The following LRRN4 variants were observed in gnomAD, a reference collection of about 807,000 sequenced individuals.
LRRN4 encodes leucine rich repeat neuronal 4.
A neutral mutation model predicts 22.3 loss-of-function variants in LRRN4; 26 were observed. That is an observed-to-expected ratio of 1.16 (90% CI 0.85 to 1.62). LRRN4 has a LOEUF of 1.62. Among genes scored for constraint, LRRN4 ranks in the 40% most tolerant of loss-of-function variants. The pLI is 0.00. For missense variants in LRRN4, 1,070 were observed against 1,008.5 expected (o/e 1.06, Z -0.83); for synonymous variants, 496 against 486.2 (o/e 1.02, Z -0.26).
chr20:6,041,572 G>A lies in LRRN4; in HGVS notation c.1673C>T (p.Pro558Leu). The change falls in exon 5 of 5, where the codon CCG (proline) becomes CTG (leucine). Residue 558 changes from proline to leucine, a missense_variant. Physicochemically the swap from Pro to Leu is moderately conservative, Grantham distance 98. Transcript: ENST00000378858. The surrounding 1 kb of genome is among the most constrained non-coding windows in gnomAD (Gnocchi z 9.4). ...CCACCGCCTCTGCAGCTCCGCGCAC[G>A]GGGTCTGCAGGTGCTTGCAGGGATG... ...DYHPCKHLQTPCAELQRRWRC... is the reference protein window; with the variant it reads ...DYHPCKHLQTLCAELQRRWRC... 2 of 1,557,280 alleles carry A rather than the reference G, an allele frequency of 1.3e-6. No homozygotes were observed. Among genetic ancestry groups the A allele is most frequent in the Non-Finnish European group, 1.7e-6 (2 of 1,149,684 alleles).
Position 6,051,863 on chromosome 20 carries a change from A to C in LRRN4, c.655+282T>G, listed in dbSNP as rs554485665. Among the ~76,000 whole-genome samples the C allele has an allele frequency of 2.1e-3, 315 of 152,334 alleles. 2 individuals carry two copies. Among genetic ancestry groups the C allele is most frequent in the African/African-American group, 7.4e-3 (308 of 41,576 alleles). On this transcript the variant is annotated intron_variant, in intron 2 of 4. Coordinates refer to ENST00000378858, the MANE Select transcript of LRRN4 (RefSeq NM_152611.5). ...AGAATGCCTGGGTTCAGATTTGCTTAATGTGTGACCAAGTTTCGCCTTTCT... is the reference window on the plus strand; with the variant it reads ...AGAATGCCTGGGTTCAGATTTGCTTCATGTGTGACCAAGTTTCGCCTTTCT...
At chr20:6,053,532 G>C (rs534449264) in intron 1 of LRRN4, among the ~76,000 whole-genome samples, 1 of 152,242 alleles carries the variant, frequency 6.6e-6, no homozygotes, top group Admixed American at 6.5e-5. Context: ...GGACTACCTA[G>C]GGTTGCACAG....
rs765228395 is a variant in LRRN4, at chr20:6,041,064, C to T, written c.2181G>A (p.Pro727=). 6.8e-6 allele frequency: 11 copies of T among 1,614,012 alleles called. No homozygotes were observed. In the South Asian group the frequency reaches 7.7e-5, roughly 11 times the overall value. ...CDTHLVAYKN[P]AFDDYPLGLQ... ...GCCCCAGCGGGTAATCATCAAAGGC[C>T]GGGTTTTTGTAGGCCACCAGGTGCG... Residue 727 remains proline, a synonymous_variant, in exon 5 of 5, where the codon CCG becomes CCA. Coordinates refer to ENST00000378858, the MANE Select transcript of LRRN4 (RefSeq NM_152611.5). This position sits in a 1 kb window ranked among gnomAD's most constrained non-coding sequence, Gnocchi z 9.4.
intron 2 of LRRN4, 117 bp from the exon 3 acceptor site, chr20:6,051,100 C>G: frequency 1.2e-6 from 1 of 846,768 alleles, no homozygotes; most frequent in Admixed American, 2.2e-5. Context: ...TCGCTGAGCA[C>G]GGGCACAGTT....
Position 6,042,026 on chromosome 20 carries a change from A to G in LRRN4, c.1219T>C (p.Ser407Pro), listed in dbSNP as rs746005798. The stretch of plus-strand genomic sequence containing the variant: ...CGAGAGCCCACGTTAGGGGCCTTGG[A>G]GACACTCTGCTGGTCTCCCGCAGGC... ...TRPAGDQQSV[S>P]KAPNVGSRTI... is the part of the protein sequence containing the mutation. The change falls in exon 5 of 5, where the codon TCC becomes CCC. Residue 407 changes from serine (S) to proline (P), a missense_variant. By Grantham distance (74) the Ser-to-Pro change is moderately conservative. Transcript: ENST00000378858. 1.2e-6 allele frequency: 2 copies of G among 1,613,820 alleles called. No homozygotes were observed. The highest frequency in any genetic ancestry group is 1.7e-6 in the Non-Finnish European group (2 of 1,179,934).
chr20:6,052,567 C>A lies in LRRN4; in HGVS notation c.233G>T (p.Arg78Leu). ...CAGGTTGTGGCTGGCGTCGAGGCTG[C>A]GCAGTGTGCGCGGTAGGCAGCCGGG... The part of the protein sequence containing the change: ...RLPGCLPRTL[R>L]SLDASHNLLR... Residue 78 changes from arginine to leucine, a missense_variant, in exon 2 of 5, where the codon CGC becomes CTC. Transcript: ENST00000378858. 2 of 1,579,590 alleles carry A rather than the reference C, an allele frequency of 1.3e-6. No homozygotes were observed. The highest frequency in any genetic ancestry group is 8.5e-7 in the Non-Finnish European group (1 of 1,171,640).
rs775845105 is a variant in LRRN4, at chr20:6,041,956, G to T, written c.1289C>A (p.Ala430Asp). 1.9e-6 allele frequency: 3 copies of T among 1,614,084 alleles called. No homozygotes were observed. Among genetic ancestry groups the T allele is most frequent in the South Asian group, 2.2e-5 (2 of 91,082 alleles). The change falls in exon 5 of 5, where the codon GCC (alanine) becomes GAC (aspartate). Residue 430 changes from alanine (A) to aspartate (D), a missense_variant. Physicochemically the swap from Ala to Asp is moderately radical, Grantham distance 126 (BLOSUM62 -2). Transcript: ENST00000378858. The surrounding 1 kb of genome is among the most constrained non-coding windows in gnomAD (Gnocchi z 9.4). ...WPHSDAREGT[A>D]PSTTNSVAGH... ...TGCTACAGAGTTGGTCGTGGAGGGG[G>T]CAGTCCCCTCCCGTGCATCGCTGTG...
intron 3 of LRRN4, among the ~76,000 whole-genome samples, chr20:6,047,578 A>T (rs1981135366): frequency 6.6e-6 from 1 of 151,614 alleles, no homozygotes; most frequent in East Asian, 1.9e-4. Flanking sequence ...CGAGGTTAGG[A>T]GATAGAGACC....
chr20:6,047,509 G>A (rs1981133686), intron 3 of LRRN4, among the ~76,000 whole-genome samples: 1 of 151,320 alleles, frequency 6.6e-6, no homozygotes, highest in African/African-American at 2.4e-5. Flanking sequence ...GACCATGGCT[G>A]GGAGCGGTGG....
In LRRN4 at chr20:6,040,789, G is replaced by A; in HGVS notation, c.*233C>T. The A allele has an allele frequency of 1.7e-6, 1 of 592,582 alleles. No individual in the cohort carries two copies. The highest frequency in any genetic ancestry group is 2.1e-5 in the South Asian group (1 of 47,690). 36.7% of individuals were successfully genotyped at this position (592,582 alleles called of 1,614,324 possible). On this transcript the variant is annotated 3_prime_UTR_variant, in exon 5 of 5. Coordinates refer to ENST00000378858, the MANE Select transcript of LRRN4 (RefSeq NM_152611.5). ...CAAGAAGGCCTGGCGGCAGTGGGGA[G>A]CGATCTGGCATTGACCATCAGGTTT...
rs1191622617 is a variant in LRRN4, at chr20:6,045,187, C to G, written c.861-507G>C. The stretch of plus-strand genomic sequence containing the variant: ...GGCACGGTGGCTCATACCTGTAATC[C>G]CAGCACTTTGGGAGGCCAAGGCAGG... On this transcript the variant is annotated intron_variant, in intron 3 of 4. Transcript: ENST00000378858. 7.4e-5 allele frequency among the ~76,000 whole-genome samples: 11 copies of G among 148,408 alleles called. 2 individuals are homozygous for G. Among genetic ancestry groups the G allele is most frequent in the Non-Finnish European group, 1.2e-4 (8 of 66,404 alleles).
Position 6,052,591 on chromosome 20 carries a change from G to A in LRRN4, c.209C>T (p.Pro70Leu). The A allele has an allele frequency of 2.5e-6, 4 of 1,585,074 alleles. No individual in the cohort carries two copies. Among genetic ancestry groups the A allele is most frequent in the Non-Finnish European group, 2.6e-6 (3 of 1,173,664 alleles). ...TLANRNLERLPGCLPRTLRSL... is the reference protein window; with the variant it reads ...TLANRNLERLLGCLPRTLRSL... The stretch of plus-strand genomic sequence containing the variant: ...GCGCAGTGTGCGCGGTAGGCAGCCG[G>A]GCAGGCGCTCCAGGTTGCGGTTCGC... The change falls in exon 2 of 5, where the codon CCC becomes CTC. Residue 70 changes from proline (P) to leucine (L), a missense_variant. Coordinates refer to ENST00000378858, the MANE Select transcript of LRRN4 (RefSeq NM_152611.5).
At chr20:6,053,097 G>A (rs1036994292) in intron 1 of LRRN4, among the ~76,000 whole-genome samples, 2 of 152,062 alleles carry the variant, frequency 1.3e-5, no homozygotes, top group African/African-American at 4.8e-5. Context: ...TGTCCAATCT[G>A]GGCCTGAATC....
At chr20:6,049,152 C>A (rs1981182553) in intron 3 of LRRN4, among the ~76,000 whole-genome samples, 1 of 152,160 alleles carries the variant, frequency 6.6e-6, no homozygotes, top group African/African-American at 2.4e-5. Flanking sequence ...GCCTGGATGG[C>A]CTTTCTCTTC....
Position 6,052,482 on chromosome 20 carries a change from C to CTG in LRRN4, c.317_318insCA (p.Arg107SerfsTer40), listed in dbSNP as rs1568643488. ...GCAGCGCGGCGATGCGGTTGTGGCGCAGGGTCAGCACCTGCAGCTGCTCCA... is the reference window on the plus strand; with the variant it reads ...GCAGCGCGGCGATGCGGTTGTGGCGCTGAGGGTCAGCACCTGCAGCTGCTCCA... On this transcript the variant is annotated frameshift_variant, in exon 2 of 5. Transcript: ENST00000378858. LOFTEE classifies it high-confidence loss of function. 6.4e-7 allele frequency: 1 copy of CTG among 1,572,328 alleles called. No homozygotes were observed.
In LRRN4 at chr20:6,041,378, G is replaced by C. The variant is rs1427771784; in HGVS notation, c.1867C>G (p.Gln623Glu). The C allele has an allele frequency of 6.3e-7, 1 of 1,586,378 alleles. No homozygotes were observed. The highest frequency in any genetic ancestry group is 1.1e-5 in the South Asian group (1 of 87,186). ...RYSAEGWAGN[Q>E]SVVGVIYATA... The stretch of plus-strand genomic sequence containing the variant: ...GCGTAGATGACCCCCACCACCGACT[G>C]GTTCCCCGCCCAGCCCTCCGCAGAG... Residue 623 changes from glutamine to glutamate, a missense_variant, in exon 5 of 5, where the codon CAG (glutamine) becomes GAG (glutamate). Physicochemically the swap from Gln to Glu is conservative, Grantham distance 29. Transcript: ENST00000378858. This position sits in a 1 kb window ranked among gnomAD's most constrained non-coding sequence, Gnocchi z 9.4.
chr20:6,049,453 A>G (rs1981193331), intron 3 of LRRN4, among the ~76,000 whole-genome samples: 1 of 152,108 alleles, frequency 6.6e-6, no homozygotes, highest in South Asian at 2.1e-4. Context: ...TATCACCACC[A>G]TCACATCACC....
At position 6,041,105 on chromosome 20, in the gene LRRN4, G is replaced by A; in HGVS notation, c.2140C>T (p.Leu714=). Residue 714 remains leucine (L), a synonymous_variant, in exon 5 of 5, where the codon CTG becomes TTG. Transcript: ENST00000378858. The surrounding 1 kb of genome is among the most constrained non-coding windows in gnomAD (Gnocchi z 9.4). ...CLCRRGQTLG[L]QRCDTHLVAY... Reference sequence around the variant, plus strand: ...ACCAGGTGCGTGTCGCAGCGCTGCAGGCCCAGCGTCTGGCCCCGCCTGCAG... The same window carrying A: ...ACCAGGTGCGTGTCGCAGCGCTGCAAGCCCAGCGTCTGGCCCCGCCTGCAG... The A allele has an allele frequency of 1.2e-6, 2 of 1,612,816 alleles. No homozygotes were observed. The highest frequency in any genetic ancestry group is 1.7e-6 in the Non-Finnish European group (2 of 1,179,454).
Position 6,052,350 on chromosome 20 carries a change from G to A in LRRN4, c.450C>T (p.Ala150=). ...CTGPALSSLR[A]LALAGNPLRA... Reference sequence around the variant, plus strand: ...GCAGCGGATTCCCGGCGAGCGCCAGGGCGCGGAGGCTGCTCAGCGCGGGCC... The same window carrying A: ...GCAGCGGATTCCCGGCGAGCGCCAGAGCGCGGAGGCTGCTCAGCGCGGGCC... The change falls in exon 2 of 5, where the codon GCC becomes GCT. Residue 150 remains alanine, a synonymous_variant. Coordinates refer to ENST00000378858, the MANE Select transcript of LRRN4 (RefSeq NM_152611.5). 9 of 1,507,542 alleles carry A rather than the reference G, an allele frequency of 6.0e-6. No homozygotes were observed. Among genetic ancestry groups the A allele is most frequent in the Non-Finnish European group, 7.9e-6 (9 of 1,136,940 alleles). 93.4% of individuals were successfully genotyped at this position (1,507,542 alleles called of 1,614,324 possible).
Sources: gnomAD v4.1 joint callset for allele counts (sites outside exome capture counted in the v4.1 genomes callset) on GRCh38, gnomAD v4.1.1 for gene constraint, Gnocchi (gnomAD v3.1) non-coding constraint, MANE v1.5 for transcripts, NCBI Gene and HGNC (gene_info 2026-07-23, HGNC 2026-07-21) for gene names.